The following ANK2 variants were observed in gnomAD, a reference collection of about 807,000 sequenced individuals.
ANK2 encodes ankyrin-2.
A neutral mutation model predicts 360.5 loss-of-function variants in ANK2; 83 were observed. The observed-to-expected ratio is 0.23, with a 90% CI of 0.19 to 0.28. ANK2 has a LOEUF of 0.28. ANK2 is among the 10% of genes least tolerant of loss of function. The pLI is 1.00. For synonymous variants in ANK2, 1,740 were observed against 1,759.5 expected, an observed-to-expected ratio of 0.99 and a Z score of 0.28; for missense variants, 4,201 against 4,795.7, an observed-to-expected ratio of 0.88 and a Z score of 3.66.
At chr4:113,371,027 G>T (rs2096719871) in intron 43 of ANK2, among the ~76,000 whole-genome samples, 1 of 151,948 alleles carries the variant, frequency 6.6e-6, no homozygotes, top group Non-Finnish European at 1.5e-5. Flanking sequence ...ATTAGATATT[G>T]TTTTTTCTTT....
chr4:112,988,560 C>T (rs1452168213), intron 2 of ANK2, among the ~76,000 whole-genome samples: 2 of 152,130 alleles, frequency 1.3e-5, no homozygotes, highest in African/African-American at 2.4e-5. Context: ...TTGCTACAGG[C>T]CAGTCCAATG....
chr4:113,049,598 C>A, upstream of ANK2: 2 of 1,509,364 alleles, frequency 1.3e-6, no homozygotes, highest in Non-Finnish European at 1.8e-6. Context: ...CCGTCCTTAC[C>A]CTCCCAGTGC....
chr4:112,974,434 C>G (rs1056824271), intron 2 of ANK2, among the ~76,000 whole-genome samples: 2 of 152,172 alleles, frequency 1.3e-5, no homozygotes, highest in African/African-American at 4.8e-5. Context: ...AACATACTAC[C>G]TGGTATTCCA....
chr4:113,092,690 A>C (rs2089030857), intron 1 of ANK2, among the ~76,000 whole-genome samples: 2 of 152,186 alleles, frequency 1.3e-5, no homozygotes, highest in South Asian at 4.1e-4. Flanking sequence ...GTTGCCTATA[A>C]AATAGGGATA....
Position 113,383,057 on chromosome 4 carries a change from A to G in ANK2, c.*1586A>G, listed in dbSNP as rs1453113947. ...TTCATATAAACAGTATACATTTTGA[A>G]TCAGTCATTTGTTAAAGAAAAGTAT... On this transcript the variant is annotated 3_prime_UTR_variant, in exon 46 of 46. Coordinates refer to ENST00000357077, the MANE Select transcript of ANK2 (RefSeq NM_001148.6). The G allele has an allele frequency of 1.3e-5, 2 of 152,636 alleles. No homozygotes were observed. Among genetic ancestry groups the G allele is most frequent in the Admixed American group, 1.3e-4 (2 of 15,274 alleles). The allele number at this position is 152,636 out of a possible 1,614,324, so 9.5% of individuals were successfully genotyped here. A position where few individuals can be genotyped will look rare whatever the true frequency, so the allele number is the denominator to read the frequency against.
intron 14 of ANK2, 56 bp from the exon 15 acceptor site, chr4:113,274,396 T>A (rs976857405): frequency 6.4e-7 from 1 of 1,553,810 alleles, no homozygotes; most frequent in African/African-American, 1.4e-5. Context: ...GTGAAACATA[T>A]CACCAGTGAA....
At chr4:113,289,855 A>C (rs575186482) in intron 20 of ANK2, among the ~76,000 whole-genome samples, 7 of 152,324 alleles carry the variant, frequency 4.6e-5, no homozygotes, top group Admixed American at 6.5e-5. Flanking sequence ...AAAGCCTCTA[A>C]TATGAATTCT....
chr4:113,138,099 A>G (rs1026310124), intron 1 of ANK2, among the ~76,000 whole-genome samples: 10 of 152,230 alleles, frequency 6.6e-5, no homozygotes, highest in Non-Finnish European at 1.2e-4. Flanking sequence ...TTCAGTATGA[A>G]TAATATATGA....
chr4:113,297,440 G>T, intron 22 of ANK2, among the ~76,000 whole-genome samples: 1 of 151,998 alleles, frequency 6.6e-6, no homozygotes, highest in Middle Eastern at 3.4e-3. Context: ...AAAAAGAAAT[G>T]ATAAATGTTT....
chr4:112,850,309 T>C (rs2064432703), intron 1 of ANK2, among the ~76,000 whole-genome samples: 4 of 131,190 alleles, frequency 3.0e-5, no homozygotes, highest in African/African-American at 8.5e-5. Flanking sequence ...TCTAATTTGT[T>C]CATCCATCCA....
chr4:113,350,842 A>C (rs1036416908), intron 37 of ANK2: 1 of 152,232 alleles, frequency 6.6e-6, no homozygotes, highest in Admixed American at 6.6e-5. Context: ...AAAAACCACA[A>C]AACAAAAATA....
At chr4:112,764,793 C>T in the ANK2 span, among the ~76,000 whole-genome samples, 1 of 150,872 alleles carries the variant, frequency 6.6e-6, no homozygotes, top group East Asian at 2.0e-4. Flanking sequence ...CCACAACCTC[C>T]ACCTCCGGGG....
chr4:113,372,570 C>T (rs1470156762), intron 43 of ANK2: 17 of 1,535,988 alleles, frequency 1.1e-5, no homozygotes, highest in Non-Finnish European at 1.4e-5. Context: ...GAGGCCAGCT[C>T]AGATGAGGAG....
intron 1 of ANK2, chr4:113,150,996 A>AAC (rs2097055168): frequency 8.7e-7 from 1 of 1,154,068 alleles, no homozygotes; most frequent in South Asian, 1.4e-5. Context: ...TACTTAGTAA[A>AAC]TATTTGTGAA....
rs770126589 is a variant in ANK2 at position 113,029,511 on chromosome 4, G to A, written c.21+124997G>A. ...CTCCCAAAGTGCTGGGATTACAGGC[G>A]TGAGCCACTGCGCAGCCAGATTTGG... On this transcript the variant is annotated intron_variant, in intron 2 of 30. Transcript: ENST00000503271. Among the ~76,000 whole-genome samples, 10 of 152,162 alleles carry A rather than the reference G, an allele frequency of 6.6e-5. 1 individual carries two copies. Among genetic ancestry groups the A allele is most frequent in the South Asian group, 4.1e-4 (2 of 4,820 alleles).
intron 1 of ANK2, among the ~76,000 whole-genome samples, chr4:113,091,783 C>T (rs1259071891): frequency 2.0e-5 from 3 of 152,166 alleles, no homozygotes; most frequent in East Asian, 1.9e-4. Flanking sequence ...CAATGCTTTG[C>T]GATGGTTATA....
intron 28 of ANK2, 126 bp downstream of exon 28, chr4:113,332,196 T>A: frequency 1.1e-6 from 1 of 876,144 alleles, no homozygotes; most frequent in Non-Finnish European, 1.9e-6. Context: ...AAATTCTGTA[T>A]AACCTATCTT....
At chr4:113,102,192 G>T (rs1433592555) in intron 1 of ANK2, among the ~76,000 whole-genome samples, 1 of 152,000 alleles carries the variant, frequency 6.6e-6, no homozygotes, top group African/African-American at 2.4e-5. Context: ...GCGGTGGCTG[G>T]TGGCTGTGGG....
At chr4:113,341,355 C>A (rs2094278559) in intron 32 of ANK2, among the ~76,000 whole-genome samples, 2 of 152,082 alleles carry the variant, frequency 1.3e-5, no homozygotes, top group Non-Finnish European at 2.9e-5. Context: ...CTAAAGGATT[C>A]CAAAACACTA....
Sources: gnomAD v4.1 joint callset for allele counts (sites outside exome capture counted in the v4.1 genomes callset) on GRCh38, gnomAD v4.1.1 for gene constraint, MANE v1.5 for transcripts, NCBI Gene and HGNC (gene_info 2026-07-23, HGNC 2026-07-21) for gene names.